Variants in GPR155 observed in about 807,000 individuals in gnomAD.
GPR155 encodes the protein G protein-coupled receptor 155, also known as lysosomal cholesterol signaling protein.
In GPR155, 65 loss-of-function variants were observed where a neutral mutation model predicts 93.1. That is an observed-to-expected ratio of 0.70 (90% CI 0.57 to 0.86). GPR155 has a LOEUF of 0.86. Among genes scored for constraint, GPR155 ranks in the 40% least tolerant of loss-of-function variants. GPR155 has a pLI of 0.00. For missense variants in GPR155, 838 were observed against 1,034.8 expected, an observed-to-expected ratio of 0.81 and a Z score of 2.61; for synonymous variants, 319 against 360.1, an observed-to-expected ratio of 0.89 and a Z score of 1.29.
intron 10 of GPR155, among the ~76,000 whole-genome samples, chr2:174,457,787 A>G (rs892889517): frequency 2.0e-5 from 3 of 151,900 alleles, no homozygotes; most frequent in Non-Finnish European, 2.9e-5. Flanking sequence ...GATCACGTCT[A>G]TTGCCCAGGC....
Position 174,442,157 on chromosome 2 carries a change from T to C in GPR155, c.2136A>G (p.Gly712=), listed in dbSNP as rs76781804. The change falls in exon 14 of 16, where the codon GGA becomes GGG. Residue 712 remains glycine, a synonymous_variant. Transcript: ENST00000392552. The part of the protein sequence containing the change: ...GQGFISFGIF[G]LDKHLIILPF... ...GCAGGATGATTAAATGTTTATCTAA[T>C]CCAAAGATTCCAAAGGAAATAAATC... 4.9e-3 allele frequency: 6,747 copies of C among 1,381,992 alleles called. 180 individuals carry two copies. In the African/African-American group the frequency reaches 0.068, roughly 14 times the overall value. 85.6% of individuals were successfully genotyped at this position (1,381,992 alleles called of 1,614,324 possible).
chr2:174,447,806 G>T (rs987549998), intron 11 of GPR155, among the ~76,000 whole-genome samples: 2 of 147,658 alleles, frequency 1.4e-5, no homozygotes, highest in African/African-American at 2.5e-5. Context: ...AGGTGAGGAG[G>T]GAGGAAGGGG....
Position 174,481,857 on chromosome 2 carries a change from G to A in GPR155, c.100C>T (p.Pro34Ser). 1 of 1,614,040 alleles carries A rather than the reference G, an allele frequency of 6.2e-7. No homozygotes were observed. Among genetic ancestry groups the A allele is most frequent in the Non-Finnish European group, 8.5e-7 (1 of 1,179,926 alleles). Residue 34 changes from proline to serine, a missense_variant, in exon 2 of 16, where the codon CCA becomes TCA. By Grantham distance (74) the Pro-to-Ser change is moderately conservative. This residue lies in a region of GPR155 where 663 missense variants were observed against 790.1 expected (regional missense o/e 0.84). Transcript: ENST00000392552. ...AGCCTTGTAATTGACATTGAAGGTG[G>A]GTCATTAGTGGAATTAAATCCATGC... The part of the protein sequence containing the change: ...VTHGFNSTND[P>S]PSMSITRLFP...
At chr2:174,444,164 C>T (rs575408335) in intron 13 of GPR155, among the ~76,000 whole-genome samples, 1 of 152,074 alleles carries the variant, frequency 6.6e-6, no homozygotes, top group Admixed American at 6.5e-5. Flanking sequence ...TGCCTGTAAT[C>T]CCAGCACTTT....
intron 2 of GPR155, among the ~76,000 whole-genome samples, chr2:174,479,381 A>G (rs182473071): frequency 6.3e-4 from 96 of 152,286 alleles, no homozygotes; most frequent in African/African-American, 2.2e-3. Context: ...TGAAAATTGA[A>G]CTGGCACATT....
intron 14 of GPR155, among the ~76,000 whole-genome samples, chr2:174,440,780 C>G (rs1178504072): frequency 6.6e-6 from 1 of 152,186 alleles, no homozygotes; most frequent in African/African-American, 2.4e-5. Context: ...CTCCTACCCC[C>G]ACATTGGAGT....
Position 174,440,582 on chromosome 2 carries a change from T to C in GPR155, c.2175-547A>G, listed in dbSNP as rs912244182. ...ACTTTCCAATTATGCTTTTCTTCTT[T>C]CATGAAATGATTATGAACCTAGCAA... is the stretch of plus-strand genomic sequence containing the variant. On this transcript the variant is annotated intron_variant, in intron 14 of 15. Transcript: ENST00000392552. Among the ~76,000 whole-genome samples, 4 of 152,328 alleles carry C rather than the reference T, an allele frequency of 2.6e-5. No homozygotes were observed. The East Asian group carries it at 7.7e-4, about 29-fold the overall frequency.
chr2:174,449,610 C>A (rs778868976), intron 11 of GPR155, among the ~76,000 whole-genome samples: 9 of 152,230 alleles, frequency 5.9e-5, no homozygotes, highest in Admixed American at 2.6e-4. Flanking sequence ...TTTGGGAGGA[C>A]AAGGCGGGCA....
intron 3 of GPR155, among the ~76,000 whole-genome samples, chr2:174,471,912 C>T (rs949217339): frequency 5.9e-5 from 9 of 152,082 alleles, no homozygotes; most frequent in African/African-American, 2.2e-4. Flanking sequence ...ATTTTCAGTA[C>T]TTATATTCAT....
At chr2:174,442,035 A>G (rs1686981769) in intron 14 of GPR155, 84 bp downstream of exon 14, 3 of 786,208 alleles carry the variant, frequency 3.8e-6, no homozygotes, top group Non-Finnish European at 6.7e-6. Flanking sequence ...AGTAGCCACC[A>G]TGCATGGCCC....
At chr2:174,475,684 G>C (rs376903107) in intron 2 of GPR155, among the ~76,000 whole-genome samples, 6 of 151,906 alleles carry the variant, frequency 3.9e-5, no homozygotes, top group Non-Finnish European at 7.4e-5. Context: ...GTTTCATAAG[G>C]CTTCATCTTT....
At chr2:174,484,493 CAAT>C (rs1318725111) in intron 1 of GPR155, among the ~76,000 whole-genome samples, 2 of 152,204 alleles carry the variant, frequency 1.3e-5, no homozygotes, top group Non-Finnish European at 2.9e-5. Flanking sequence ...CAAGGCATTC[CAAT>C]AATATTTTTT....
chr2:174,469,025 T>C lies in GPR155; in HGVS notation c.1069A>G (p.Ile357Val). The change falls in exon 5 of 16, where the codon ATC becomes GTC. Residue 357 changes from isoleucine (I) to valine (V), a missense_variant. Physicochemically the swap from Ile to Val is conservative, Grantham distance 29 (BLOSUM62 3). Around this residue, in one of 3 missense-constraint regions of GPR155, gnomAD observed 663 missense variants for 790.1 expected, o/e 0.84. Coordinates refer to ENST00000392552, the MANE Select transcript of GPR155 (RefSeq NM_152529.7). ...MVISTFVSAPIMYVSAWLLTF... is the reference protein window; with the variant it reads ...MVISTFVSAPVMYVSAWLLTF... Reference sequence around the variant, plus strand: ...AGTAACCAGGCAGAAACGTACATGATGGGAGCAGACACAAATGTGCTTATC... The same window carrying C: ...AGTAACCAGGCAGAAACGTACATGACGGGAGCAGACACAAATGTGCTTATC... 2 of 1,614,082 alleles carry C rather than the reference T, an allele frequency of 1.2e-6. No individual in the cohort carries two copies. The highest frequency in any genetic ancestry group is 1.7e-6 in the Non-Finnish European group (2 of 1,179,970).
chr2:174,446,707 T>TA lies in GPR155; in HGVS notation c.1916dup (p.Leu640IlefsTer33). 1 of 1,613,828 alleles carries TA rather than the reference T, an allele frequency of 6.2e-7. No individual in the cohort carries two copies. Among genetic ancestry groups the TA allele is most frequent in the Non-Finnish European group, 8.5e-7 (1 of 1,179,684 alleles). ...GATACTGTTCTTCTTCCTGGGCTAA[T>TA]ATGCAGCTCTGGGAGTTACAGCGAC... On this transcript the variant is annotated frameshift_variant, in exon 12 of 16. Coordinates refer to ENST00000392552, the MANE Select transcript of GPR155 (RefSeq NM_152529.7). LOFTEE classifies it high-confidence loss of function.
intron 3 of GPR155, 64 bp downstream of exon 3, chr2:174,472,901 T>C: frequency 3.8e-6 from 5 of 1,303,164 alleles, no homozygotes; most frequent in East Asian, 2.3e-5. Context: ...GACATACCCC[T>C]GATGAATTGG....
chr2:174,481,844 G>T lies in GPR155; in HGVS notation c.113C>A (p.Ser38Ter), dbSNP rs1259807247. Residue 38 changes from serine (S) to a stop codon, truncating the protein, a stop_gained, in exon 2 of 16, where the codon TCA becomes TAA. Coordinates refer to ENST00000392552, the MANE Select transcript of GPR155 (RefSeq NM_152529.7). LOFTEE classifies it high-confidence loss of function. ...FNSTNDPPSM[S>*]ITRLFPALLE... ...TAAGGCTGGAAAAAGCCTTGTAATTGACATTGAAGGTGGGTCATTAGTGGA... is the reference window on the plus strand; with the variant it reads ...TAAGGCTGGAAAAAGCCTTGTAATTTACATTGAAGGTGGGTCATTAGTGGA... 3.7e-6 allele frequency: 6 copies of T among 1,614,128 alleles called. No individual in the cohort carries two copies. Among genetic ancestry groups the T allele is most frequent in the Non-Finnish European group, 5.1e-6 (6 of 1,179,968 alleles).
intron 2 of GPR155, among the ~76,000 whole-genome samples, chr2:174,476,617 C>CA (rs1174059493): frequency 6.6e-6 from 1 of 150,658 alleles, no homozygotes; most frequent in Non-Finnish European, 1.5e-5. Context: ...AAACAAAAAA[C>CA]AAAACAAAAA....
intron 2 of GPR155, among the ~76,000 whole-genome samples, chr2:174,477,371 CCAT>C (rs1481278435): frequency 6.6e-6 from 1 of 152,010 alleles, no homozygotes; most frequent in African/African-American, 2.4e-5. Flanking sequence ...ACCATCGTCA[CCAT>C]GTTATACAAT....
Position 174,461,488 on chromosome 2 carries a change from G to A in GPR155, c.1474C>T (p.Pro492Ser), listed in dbSNP as rs1040797683. The A allele has an allele frequency of 2.5e-6, 4 of 1,610,308 alleles. No individual in the cohort carries two copies. Among genetic ancestry groups the A allele is most frequent in the Non-Finnish European group, 2.5e-6 (3 of 1,176,726 alleles). Residue 492 changes from proline (P) to serine (S), a missense_variant, in exon 9 of 16, where the codon CCT (proline) becomes TCT (serine). Transcript: ENST00000392552. ...AAAAGAACACCAACAAGGAGAGCAG[G>A]AATTCTGTAATCACAAGTGATATTG... ...GIIIISGWGI[P>S]ALLVGVLLIT...
Sources: gnomAD v4.1 joint callset for allele counts (sites outside exome capture counted in the v4.1 genomes callset) on GRCh38, gnomAD v4.1.1 for gene constraint, gnomAD v4.1.1 regional missense constraint, MANE v1.5 for transcripts, NCBI Gene and HGNC (gene_info 2026-07-23, HGNC 2026-07-21) for gene names.